The following HHIPL1 variants were observed in gnomAD, a reference collection of about 807,000 sequenced individuals.
The protein encoded by HHIPL1 is HHIP-like protein 1.
In HHIPL1, 43 loss-of-function variants were observed where a neutral mutation model predicts 61.8. The ratio of observed to expected loss-of-function variants is 0.70; its 90% CI spans 0.55 to 0.90. The LOEUF (loss-of-function observed/expected upper bound fraction) is 0.90, where lower values mean the gene tolerates loss of function less well. Among genes scored for constraint, HHIPL1 ranks in the 40% least tolerant of loss-of-function variants. The probability of loss-of-function intolerance (pLI) is 0.00; values close to 1 mark genes in which losing one functional copy is unlikely to be tolerated. For missense variants in HHIPL1, 1,056 were observed against 1,157.7 expected (o/e 0.91, Z 1.28); for synonymous variants, 482 against 515.8 (o/e 0.93, Z 0.89).
At chr14:99,615,631 AAGAG>A in the HHIPL1 span, among the ~76,000 whole-genome samples, 4 of 130,240 alleles carry the variant, frequency 3.1e-5, no homozygotes, top group Admixed American at 8.6e-5. Flanking sequence ...GAAAGGAAGA[AAGAG>A]AAAGAAAGGA....
chr14:99,610,705 G>T, the HHIPL1 span, among the ~76,000 whole-genome samples: 1 of 152,142 alleles, frequency 6.6e-6, no homozygotes, highest in Admixed American at 6.5e-5. Context: ...AGGTTGCAGT[G>T]AGCAGAGATC....
chr14:99,606,403 C>A, the HHIPL1 span, among the ~76,000 whole-genome samples: 1 of 152,154 alleles, frequency 6.6e-6, no homozygotes, highest in Non-Finnish European at 1.5e-5. Flanking sequence ...AGGCTCCCTG[C>A]AGAATGAAGC....
chr14:99,622,292 GC>G, the HHIPL1 span, among the ~76,000 whole-genome samples: 1 of 152,128 alleles, frequency 6.6e-6, no homozygotes, highest in Non-Finnish European at 1.5e-5. Context: ...GAGATCTGTG[GC>G]CCATCCTTAG....
rs1210808639 is a variant in HHIPL1 at position 99,645,312 on chromosome 14, G to A, written c.105G>A (p.Pro35=). 6.9e-7 allele frequency: 1 copy of A among 1,454,456 alleles called. No individual in the cohort carries two copies. 90.1% of individuals were successfully genotyped at this position (1,454,456 alleles called of 1,614,324 possible). A position where few individuals can be genotyped will look rare whatever the true frequency, so the allele number is the denominator to read the frequency against. Residue 35 remains proline, a synonymous_variant, in exon 1 of 9, where the codon CCG becomes CCA. Coordinates refer to ENST00000330710, the MANE Select transcript of HHIPL1 (RefSeq NM_001127258.3). ...DFRPPFRPTQ[P]LRLCAQYSDF... ...GGCCGCCCTTCCGGCCGACGCAGCC[G>A]CTGCGCCTCTGCGCGCAGTACTCGG...
Position 99,668,240 on chromosome 14 carries a change from C to T in HHIPL1, c.1667C>T (p.Ser556Leu), listed in dbSNP as rs758163976. The change falls in exon 7 of 9, where the codon TCG becomes TTG. Residue 556 changes from serine to leucine, a missense_variant. Transcript: ENST00000330710. This position sits in a 1 kb window ranked among gnomAD's most constrained non-coding sequence, Gnocchi z 4.7. ...EDEAGELYFM[S>L]TGEPSATAPR... ...TCCAAAGGGGAGCTGTACTTCATGTCGACAGGGGAGCCGAGTGCCACAGCT... is the reference window on the plus strand; with the variant it reads ...TCCAAAGGGGAGCTGTACTTCATGTTGACAGGGGAGCCGAGTGCCACAGCT... 3.4e-5 allele frequency: 55 copies of T among 1,610,924 alleles called. No individual in the cohort carries two copies. In the Middle Eastern group the frequency reaches 4.9e-4, roughly 14 times the overall value.
chr14:99,620,906 C>T, the HHIPL1 span, among the ~76,000 whole-genome samples: 1 of 152,224 alleles, frequency 6.6e-6, no homozygotes, highest in East Asian at 1.9e-4. Context: ...GCTCACTTCC[C>T]CATGAGAGTG....
the HHIPL1 span, among the ~76,000 whole-genome samples, chr14:99,635,866 C>T: frequency 3.9e-5 from 6 of 152,254 alleles, no homozygotes; most frequent in Non-Finnish European, 2.9e-5. Flanking sequence ...TATATAAATG[C>T]GTTTCCATGC....
In HHIPL1 at chr14:99,675,357, G is replaced by A. The variant is rs1196514949; in HGVS notation, c.2080G>A (p.Gly694Arg). Residue 694 changes from glycine to arginine, a missense_variant, in exon 9 of 9, where the codon GGA becomes AGA. Transcript: ENST00000330710. This position sits in a 1 kb window ranked among gnomAD's most constrained non-coding sequence, Gnocchi z 5.4. ...CGGGCGCGTGGAGGTGTTCGTGGGCGGACGCTGGGGCACCGTGTGCGACGA... is the reference window on the plus strand; with the variant it reads ...CGGGCGCGTGGAGGTGTTCGTGGGCAGACGCTGGGGCACCGTGTGCGACGA... ...GSGRVEVFVGGRWGTVCDDSW... is the reference protein window; with the variant it reads ...GSGRVEVFVGRRWGTVCDDSW... The A allele has an allele frequency of 6.1e-6, 9 of 1,486,234 alleles. No homozygotes were observed. Among genetic ancestry groups the A allele is most frequent in the South Asian group, 2.6e-5 (2 of 77,630 alleles). The allele number at this position is 1,486,234 out of a possible 1,614,324, so 92.1% of individuals were successfully genotyped here.
rs2056415172 is a variant in HHIPL1, at chr14:99,678,883, C to G, written c.*3257C>G. 1 of 152,222 alleles carries G rather than the reference C, an allele frequency of 6.6e-6. No homozygotes were observed. The highest frequency in any genetic ancestry group is 1.5e-5 in the Non-Finnish European group (1 of 68,034). The allele number at this position is 152,222 out of a possible 1,614,324, so 9.4% of individuals were successfully genotyped here. A position where few individuals can be genotyped will look rare whatever the true frequency, so the allele number is the denominator to read the frequency against. ...TTAAAAGAAACCATTATTTCTAACACTTACGATTTATTCTTTAACAAGAAG... is the reference window on the plus strand; with the variant it reads ...TTAAAAGAAACCATTATTTCTAACAGTTACGATTTATTCTTTAACAAGAAG... On this transcript the variant is annotated 3_prime_UTR_variant, in exon 9 of 9. Coordinates refer to ENST00000330710, the MANE Select transcript of HHIPL1 (RefSeq NM_001127258.3).
At chr14:99,627,335 CCCAT>C in the HHIPL1 span, among the ~76,000 whole-genome samples, 4,149 of 149,648 alleles carry the variant, frequency 0.028, 53 homozygotes, top group South Asian at 0.047. The surrounding 1 kb of genome is among the most constrained non-coding windows in gnomAD (Gnocchi z 4.4). Flanking sequence ...CATCCATCTG[CCCAT>C]CCATCCATCC....
chr14:99,663,463 G>A (rs929377654), intron 6 of HHIPL1, among the ~76,000 whole-genome samples: 1 of 152,166 alleles, frequency 6.6e-6, no homozygotes, highest in Non-Finnish European at 1.5e-5. Context: ...TGGTGCTGGT[G>A]GGAGTGTAGC....
At chr14:99,637,864 G>A in the HHIPL1 span, among the ~76,000 whole-genome samples, 3 of 152,178 alleles carry the variant, frequency 2.0e-5, no homozygotes, top group African/African-American at 7.2e-5. Context: ...TGCCCAGAGA[G>A]GTCAAGGGCC....
intron 8 of HHIPL1, among the ~76,000 whole-genome samples, chr14:99,674,114 G>A (rs1274270353): frequency 6.6e-6 from 1 of 151,904 alleles, no homozygotes; most frequent in East Asian, 1.9e-4. Context: ...GCCTTGTGCT[G>A]AGAGGCCCTT....
intron 6 of HHIPL1, among the ~76,000 whole-genome samples, chr14:99,663,262 G>C (rs1014509298): frequency 6.6e-6 from 1 of 152,214 alleles, no homozygotes; most frequent in Admixed American, 6.5e-5. Context: ...GAAGTCCATA[G>C]AGTAAAGTGA....
At chr14:99,631,189 CT>C in the HHIPL1 span, among the ~76,000 whole-genome samples, 1 of 151,122 alleles carries the variant, frequency 6.6e-6, no homozygotes, top group Non-Finnish European at 1.5e-5. Flanking sequence ...CCTCTGCCTC[CT>C]GGATTCAAGG....
intron 6 of HHIPL1, among the ~76,000 whole-genome samples, chr14:99,664,918 T>TC: frequency 6.6e-6 from 1 of 151,074 alleles, no homozygotes; most frequent in East Asian, 1.9e-4. Flanking sequence ...TTTTTTTCTT[T>TC]TTTTTTTTTT....
chr14:99,611,354 C>T, the HHIPL1 span, among the ~76,000 whole-genome samples: 18 of 150,400 alleles, frequency 1.2e-4, no homozygotes, highest in African/African-American at 3.9e-4. Context: ...AGTGCAATAG[C>T]ACTATCTCGG....
intron 1 of HHIPL1, among the ~76,000 whole-genome samples, chr14:99,647,431 C>T (rs999871682): frequency 2.0e-5 from 3 of 152,224 alleles, no homozygotes; most frequent in Non-Finnish European, 4.4e-5. Flanking sequence ...CCAGGCTCAG[C>T]ACGGCAGTGA....
the HHIPL1 span, among the ~76,000 whole-genome samples, chr14:99,623,785 C>T: frequency 1.6e-4 from 24 of 152,218 alleles, no homozygotes; most frequent in South Asian, 1.0e-3. Context: ...ACTCCCCTCC[C>T]GAGCCTGCTG....
Sources: gnomAD v4.1 joint callset for allele counts (sites outside exome capture counted in the v4.1 genomes callset) on GRCh38, gnomAD v4.1.1 for gene constraint, Gnocchi (gnomAD v3.1) non-coding constraint, MANE v1.5 for transcripts, NCBI Gene and HGNC (gene_info 2026-07-23, HGNC 2026-07-21) for gene names.